RBM26: variants seen among roughly 807,000 people sequenced by gnomAD.
RBM26 encodes RNA binding motif protein 26, also known as RNA-binding protein 26.
A neutral mutation model predicts 123.6 loss-of-function variants in RBM26; 30 were observed. The ratio of observed to expected loss-of-function variants is 0.24; its 90% CI spans 0.18 to 0.33. The LOEUF (loss-of-function observed/expected upper bound fraction) is 0.33. Among genes scored for constraint, RBM26 ranks in the 10% least tolerant of loss-of-function variants. The pLI is 1.00. For missense variants in RBM26, 947 were observed against 1,203.6 expected, an observed-to-expected ratio of 0.79 and a Z score of 3.15; for synonymous variants, 400 against 404.4, an observed-to-expected ratio of 0.99 and a Z score of 0.13.
intron 1 of RBM26, among the ~76,000 whole-genome samples, chr13:79,402,243 T>C (rs1246754612): frequency 6.6e-6 from 1 of 152,060 alleles, no homozygotes; most frequent in Non-Finnish European, 1.5e-5. Flanking sequence ...ATCTTTGAGA[T>C]AACAAAACAT....
chr13:79,373,437 ATTAT>A (rs2076266813), intron 3 of RBM26, among the ~76,000 whole-genome samples: 1 of 17,050 alleles, frequency 5.9e-5, no homozygotes, highest in African/African-American at 2.9e-4. Context: ...ATAAATATAT[ATTAT>A]ATATTATATA....
At chr13:79,372,805 T>G (rs1255313397) in intron 3 of RBM26, among the ~76,000 whole-genome samples, 5 of 111,190 alleles carry the variant, frequency 4.5e-5, no homozygotes, top group African/African-American at 7.7e-5. Context: ...TATAATTATA[T>G]GATATATATT....
rs2076103048 is a variant in RBM26, at chr13:79,372,892, A to AT, written c.328-963_328-962insA. Among the ~76,000 whole-genome samples, 2 of 86,766 alleles carry AT rather than the reference A, an allele frequency of 2.3e-5. 1 individual carries two copies. The highest frequency in any genetic ancestry group is 1.0e-4 in the African/African-American group (2 of 19,164). The allele number at this position is 86,766 out of a possible 152,430, so 56.9% of individuals were successfully genotyped here. On this transcript the variant is annotated intron_variant, in intron 3 of 21. Transcript: ENST00000438737. ...ATTTATAATATTTTATATGCTATAT[A>AT]AAATATATCTTATATATTACATATT...
rs763682411 is a variant in RBM26, at chr13:79,358,315, T to G, written c.1648A>C (p.Asn550His). ...GTTCCAAATCGACTAAAATGTTCAT[T>G]AAGTTTGCTGATATTATTTAATTCT... is the stretch of plus-strand genomic sequence containing the variant. ...PPELNNISKL[N>H]EHFSRFGTLV... The change falls in exon 11 of 22, where the codon AAT (asparagine) becomes CAT (histidine). Residue 550 changes from asparagine to histidine, a missense_variant. By Grantham distance (68) the Asn-to-His change is moderately conservative. Transcript: ENST00000438737. 1 of 1,610,262 alleles carries G rather than the reference T, an allele frequency of 6.2e-7. No homozygotes were observed. The highest frequency in any genetic ancestry group is 8.5e-7 in the Non-Finnish European group (1 of 1,178,842).
intron 1 of RBM26, among the ~76,000 whole-genome samples, chr13:79,405,156 A>C (rs1053850965): frequency 2.6e-5 from 4 of 152,232 alleles, no homozygotes; most frequent in African/African-American, 9.6e-5. Context: ...CTCCTCTCCA[A>C]GCTAACGAAC....
rs1268684270 is a variant in RBM26, at chr13:79,363,828, A to G, written c.1417+1750T>C. 2.0e-5 allele frequency among the ~76,000 whole-genome samples: 3 copies of G among 152,204 alleles called. No individual in the cohort carries two copies. In the East Asian group the frequency reaches 5.8e-4, roughly 29 times the overall value. ...TATTGACCTGTAGTAGCATGTATTTACAGCTCCAAAGCAGCAAGGTAGAAA... is the reference window on the plus strand; with the variant it reads ...TATTGACCTGTAGTAGCATGTATTTGCAGCTCCAAAGCAGCAAGGTAGAAA... On this transcript the variant is annotated intron_variant, in intron 9 of 21. Coordinates refer to ENST00000438737, the MANE Select transcript of RBM26 (RefSeq NM_001366735.2).
chr13:79,371,702 A>G (rs947005631), intron 4 of RBM26, 140 bp downstream of exon 4: 8 of 624,076 alleles, frequency 1.3e-5, no homozygotes, highest in Middle Eastern at 3.9e-4. Flanking sequence ...TCATGGTAGA[A>G]ACGGACCTAG....
Position 79,366,205 on chromosome 13 carries a change from C to T in RBM26, c.1136-10G>A, listed in dbSNP as rs563739712. The T allele has an allele frequency of 5.0e-6, 8 of 1,606,574 alleles. No homozygotes were observed. In the South Asian group the frequency reaches 7.8e-5, roughly 16 times the overall value. On this transcript the variant is annotated splice_polypyrimidine_tract_variant and intron_variant, in intron 7 of 21. Transcript: ENST00000438737. ...AGTGGAGGTGGTGGTCCTGTCAAAA[C>T]CAAAGAATAAGAAATATCATCTGAA...
intron 5 of RBM26, among the ~76,000 whole-genome samples, chr13:79,370,679 G>C (rs1396613322): frequency 6.6e-6 from 1 of 152,206 alleles, no homozygotes; most frequent in Non-Finnish European, 1.5e-5. Flanking sequence ...TTTCCAAAGA[G>C]TTTCAGCTTA....
intron 20 of RBM26, among the ~76,000 whole-genome samples, chr13:79,333,675 C>T (rs1383710091): frequency 6.6e-6 from 1 of 152,090 alleles, no homozygotes; most frequent in Non-Finnish European, 1.5e-5. Flanking sequence ...CCTATGAATC[C>T]CCTACACCTC....
chr13:79,373,419 A>AT (rs2076251163), intron 3 of RBM26, among the ~76,000 whole-genome samples: 28 of 11,040 alleles, frequency 2.5e-3, no homozygotes, highest in East Asian at 0.022. Flanking sequence ...ACTATATATA[A>AT]ATAAAATATA....
intron 1 of RBM26, among the ~76,000 whole-genome samples, chr13:79,392,924 T>A (rs2078226542): frequency 6.6e-6 from 1 of 152,092 alleles, no homozygotes; most frequent in Non-Finnish European, 1.5e-5. Flanking sequence ...ACTCCATAGA[T>A]GGAGGTACAG....
chr13:79,370,776 T>C (rs2075802899), intron 5 of RBM26, among the ~76,000 whole-genome samples, 169 bp downstream of exon 5: 1 of 152,206 alleles, frequency 6.6e-6, no homozygotes, highest in African/African-American at 2.4e-5. Context: ...TGATTTTAAT[T>C]TGCAAGGAAT....
intron 1 of RBM26, among the ~76,000 whole-genome samples, chr13:79,392,916 T>A (rs762470649): frequency 6.6e-6 from 1 of 152,094 alleles, no homozygotes; most frequent in Non-Finnish European, 1.5e-5. Context: ...AAAATCTGAC[T>A]CCATAGATGG....
intron 9 of RBM26, among the ~76,000 whole-genome samples, chr13:79,360,027 A>C (rs2074488374): frequency 6.6e-6 from 1 of 152,122 alleles, no homozygotes; most frequent in Non-Finnish European, 1.5e-5. Flanking sequence ...TCATGTAGGC[A>C]TTTTATCATC....
At chr13:79,344,138 TTTACCA>T (rs1333392769) in intron 16 of RBM26, 104 bp downstream of exon 16, 1 of 762,006 alleles carries the variant, frequency 1.3e-6, no homozygotes, top group Non-Finnish European at 2.4e-6. Context: ...AAATATTTGT[TTTACCA>T]TTACCAATTA....
At chr13:79,394,383 T>C (rs1365062381) in intron 1 of RBM26, among the ~76,000 whole-genome samples, 2 of 152,192 alleles carry the variant, frequency 1.3e-5, no homozygotes, top group African/African-American at 2.4e-5. Flanking sequence ...TGCGAGTCCT[T>C]ACCTCAAGCC....
chr13:79,329,209 T>C (rs916770745), intron 20 of RBM26, among the ~76,000 whole-genome samples: 1 of 152,096 alleles, frequency 6.6e-6, no homozygotes, highest in African/African-American at 2.4e-5. Context: ...TCTGAATTTA[T>C]CTTTACCTAT....
chr13:79,374,578 G>C (rs1448060054), intron 3 of RBM26, among the ~76,000 whole-genome samples: 1 of 152,124 alleles, frequency 6.6e-6, no homozygotes, highest in Non-Finnish European at 1.5e-5. Context: ...AATCTTTAAA[G>C]CATTCTTTCA....
Sources: allele counts gnomAD v4.1 joint callset (sites outside exome capture counted in the v4.1 genomes callset), GRCh38; gene constraint gnomAD v4.1.1; transcripts MANE v1.5; gene names NCBI Gene and HGNC (gene_info 2026-07-23, HGNC 2026-07-21).